PNMA6E: variants seen among roughly 807,000 people sequenced by gnomAD.
PNMA6E encodes the protein PNMA family member 6E, also known as paraneoplastic antigen Ma6E.
For synonymous variants in PNMA6E, 43 were observed against 17.1 expected (o/e 2.52, Z -3.74); for missense variants, 78 against 50.8 (o/e 1.53, Z -1.63).
At chrX:153,410,918 T>G in the PNMA6E span, among the ~76,000 whole-genome samples, 4 of 112,170 alleles carry the variant, frequency 3.6e-5, no homozygotes, top group African/African-American at 1.3e-4. Context: ...AGCATGACCC[T>G]TTGGAAAATG....
In PNMA6E at chrX:153,395,730, C is replaced by A; in HGVS notation, c.*1176G>T. On this transcript the variant is annotated 3_prime_UTR_variant, in exon 2 of 2. Transcript: ENST00000445091. ...AATACAGAGAGAAACTGTAAACAGC[C>A]ACCACAGGACACAGGTCCCAGGCCC... 8.7e-6 allele frequency: 1 copy of A among 114,883 alleles called. No individual in the cohort carries two copies. 9.5% of individuals were successfully genotyped at this position (114,883 alleles called of 1,213,427 possible).
At chrX:153,409,819 C>A in the PNMA6E span, among the ~76,000 whole-genome samples, 1 of 112,242 alleles carries the variant, frequency 8.9e-6, no homozygotes, top group South Asian at 3.7e-4. Context: ...TGCAGGTTGG[C>A]CGCTCACACT....
At chrX:153,402,069 C>G (rs1410343502), upstream of PNMA6E, among the ~76,000 whole-genome samples, 1 of 110,533 alleles carries the variant, frequency 9.0e-6, no homozygotes, top group Admixed American at 9.6e-5. Context: ...GTGATCCGCC[C>G]GCCTCGGCCT....
At chrX:153,407,446 T>C in the PNMA6E span, among the ~76,000 whole-genome samples, 5 of 110,815 alleles carry the variant, frequency 4.5e-5, no homozygotes, top group African/African-American at 9.8e-5. Flanking sequence ...AATAGCTCAC[T>C]GCAGCCTCAA....
chrX:153,404,500 G>C (rs782548154), upstream of PNMA6E, among the ~76,000 whole-genome samples: 22 of 110,636 alleles, frequency 2.0e-4, no homozygotes, highest in Non-Finnish European at 1.9e-4. Flanking sequence ...TTGTTGTTGT[G>C]GTGGTGGTGG....
At chrX:153,399,353 G>T (rs1371644517) in intron 1 of PNMA6E, among the ~76,000 whole-genome samples, 2 of 109,237 alleles carry the variant, frequency 1.8e-5, no homozygotes, top group African/African-American at 6.7e-5. Flanking sequence ...TTGTTTGTTT[G>T]TTTGTTTTTT....
chrX:153,399,678 T>A (rs1294910712), intron 1 of PNMA6E, among the ~76,000 whole-genome samples: 1 of 111,712 alleles, frequency 9.0e-6, no homozygotes, highest in Non-Finnish European at 1.9e-5. Context: ...TTGCTAGGGT[T>A]CATTAATTTT....
At chrX:153,402,408 T>C (rs1000394886), upstream of PNMA6E, among the ~76,000 whole-genome samples, 4 of 111,680 alleles carry the variant, frequency 3.6e-5, no homozygotes, top group Non-Finnish European at 7.5e-5. Context: ...TTTCACTCTC[T>C]ACTTACAGTT....
the PNMA6E span, among the ~76,000 whole-genome samples, chrX:153,409,450 G>C: frequency 8.8e-6 from 1 of 113,144 alleles, no homozygotes; most frequent in Non-Finnish European, 1.9e-5. Flanking sequence ...CCGCCGGGAG[G>C]GCCCGTGTGC....
the PNMA6E span, among the ~76,000 whole-genome samples, chrX:153,412,305 C>T: frequency 8.9e-6 from 1 of 112,097 alleles, no homozygotes; most frequent in East Asian, 2.8e-4. Flanking sequence ...CTGAGCTGGG[C>T]AGAAAGCGGC....
At chrX:153,405,433 G>A (rs1260907217), upstream of PNMA6E, among the ~76,000 whole-genome samples, 4 of 111,535 alleles carry the variant, frequency 3.6e-5, no homozygotes, top group Non-Finnish European at 5.7e-5. Context: ...AGAATCTGTG[G>A]GCTGTAACTG....
At chrX:153,400,879 C>G (rs2088845806) in intron 1 of PNMA6E, among the ~76,000 whole-genome samples, 1 of 106,358 alleles carries the variant, frequency 9.4e-6, no homozygotes, top group Non-Finnish European at 2.0e-5. Context: ...CACCCCCTCA[C>G]CCCAGCACTG....
chrX:153,404,170 G>T (rs1020620058), upstream of PNMA6E: 2 of 107,051 alleles, frequency 1.9e-5, no homozygotes, highest in African/African-American at 3.4e-5. Flanking sequence ...TGTAGAGACA[G>T]AGTTTCACCA....
chrX:153,409,672 T>C, the PNMA6E span, among the ~76,000 whole-genome samples: 1 of 112,510 alleles, frequency 8.9e-6, no homozygotes. Context: ...GTGCACACGG[T>C]GACCCCTGCT....
chrX:153,413,759 C>A, the PNMA6E span, among the ~76,000 whole-genome samples: 2 of 112,163 alleles, frequency 1.8e-5, no homozygotes, highest in Admixed American at 1.9e-4. Flanking sequence ...CGGAGTAGTG[C>A]CCACCTGGGT....
upstream of PNMA6E, chrX:153,401,536 AC>A (rs1255346112): frequency 8.9e-6 from 1 of 111,899 alleles, no homozygotes; most frequent in Non-Finnish European, 1.9e-5. Context: ...TGACGACTAC[AC>A]GTGAATCAAA....
At chrX:153,410,421 G>A in the PNMA6E span, among the ~76,000 whole-genome samples, 2 of 111,947 alleles carry the variant, frequency 1.8e-5, no homozygotes, top group South Asian at 7.6e-4. Context: ...CCAGAGCCCC[G>A]GTGAAGGGAC....
At chrX:153,401,694 T>C (rs1465860802), upstream of PNMA6E, among the ~76,000 whole-genome samples, 1 of 112,335 alleles carries the variant, frequency 8.9e-6, no homozygotes, top group African/African-American at 3.2e-5. Context: ...CACTGTTTGC[T>C]TTCCAATGTG....
Position 153,397,162 on chromosome X carries a change from G to T in PNMA6E, c.1688C>A (p.Pro563His). Residue 563 changes from proline to histidine, a missense_variant, in exon 2 of 2, where the codon CCT becomes CAT. Transcript: ENST00000445091. ...APAAGEGESA[P>H]AGPEGLGQAR... ...CTGACCTAGGCCTTCGGGGCCTGCA[G>T]GGGCACTTTCACCTTCCCCAGCGGC... is the stretch of plus-strand genomic sequence containing the variant. The T allele has an allele frequency of 3.4e-6, 1 of 298,214 alleles. No homozygotes were observed. The highest frequency in any genetic ancestry group is 2.0e-4 in the South Asian group (1 of 5,102). 24.6% of individuals were successfully genotyped at this position (298,214 alleles called of 1,213,427 possible).
Sources: allele counts gnomAD v4.1 joint callset (sites outside exome capture counted in the v4.1 genomes callset), GRCh38; gene constraint gnomAD v4.1.1; transcripts MANE v1.5; gene names NCBI Gene and HGNC (gene_info 2026-07-23, HGNC 2026-07-21).